INSYN2B: variants seen among roughly 807,000 people sequenced by gnomAD.
INSYN2B encodes the protein protein INSYN2B.
INSYN2B carries 16 observed loss-of-function variants against 41.2 expected under a neutral mutation model. The observed-to-expected ratio is 0.39, with a 90% CI of 0.26 to 0.59. INSYN2B has a LOEUF of 0.59. Among genes scored for constraint, INSYN2B ranks in the 20% least tolerant of loss-of-function variants. The pLI is 0.57. For synonymous variants in INSYN2B, 245 were observed against 244.4 expected, an observed-to-expected ratio of 1.00 and a Z score of -0.02; for missense variants, 608 against 646.4, an observed-to-expected ratio of 0.94 and a Z score of 0.64.
intron 1 of INSYN2B, among the ~76,000 whole-genome samples, chr5:169,973,946 A>G (rs1275351997): frequency 1.3e-5 from 2 of 152,190 alleles, no homozygotes; most frequent in Non-Finnish European, 2.9e-5. Context: ...TAGGCACAAG[A>G]GATGTCAATG....
intron 3 of INSYN2B, among the ~76,000 whole-genome samples, chr5:169,879,360 T>C (rs138769933): frequency 3.9e-5 from 6 of 152,304 alleles, no homozygotes; most frequent in African/African-American, 1.4e-4. Flanking sequence ...GTCATTTGAA[T>C]GTTTTCTAAA....
intron 1 of INSYN2B, among the ~76,000 whole-genome samples, chr5:169,971,188 C>A (rs1299895701): frequency 2.9e-4 from 42 of 143,806 alleles, no homozygotes; most frequent in Non-Finnish European, 2.4e-4. Flanking sequence ...GAAAGAAAGG[C>A]AAAAAAAAAA....
At chr5:169,958,749 G>A (rs978002548) in intron 1 of INSYN2B, among the ~76,000 whole-genome samples, 7 of 152,148 alleles carry the variant, frequency 4.6e-5, no homozygotes, top group Non-Finnish European at 7.3e-5. Context: ...CAGCAATAGA[G>A]GGCATTCAGG....
At chr5:169,868,060 T>C (rs1280159466) in intron 3 of INSYN2B, among the ~76,000 whole-genome samples, 3 of 152,162 alleles carry the variant, frequency 2.0e-5, no homozygotes, top group Non-Finnish European at 4.4e-5. Flanking sequence ...GAGTACCAGA[T>C]AGAGCCAAAG....
chr5:169,933,624 C>T (rs1023968716), intron 1 of INSYN2B, among the ~76,000 whole-genome samples: 4 of 152,182 alleles, frequency 2.6e-5, no homozygotes, highest in Non-Finnish European at 4.4e-5. Flanking sequence ...CTTCGTTCGG[C>T]CTCCTTCCTT....
intron 1 of INSYN2B, among the ~76,000 whole-genome samples, chr5:169,978,395 G>A (rs202107504): frequency 7.0e-6 from 1 of 142,322 alleles, no homozygotes; most frequent in Non-Finnish European, 1.5e-5. Flanking sequence ...GTGTGTGTGG[G>A]GGGGGGGGGG....
At chr5:169,909,113 C>A (rs1418144211) in intron 1 of INSYN2B, among the ~76,000 whole-genome samples, 1 of 152,188 alleles carries the variant, frequency 6.6e-6, no homozygotes, top group Non-Finnish European at 1.5e-5. Flanking sequence ...TGGATGATTT[C>A]ATCACCTTTG....
intron 1 of INSYN2B, among the ~76,000 whole-genome samples, chr5:169,975,141 A>T (rs990067042): frequency 6.6e-6 from 1 of 152,196 alleles, no homozygotes; most frequent in African/African-American, 2.4e-5. Context: ...GCTAGAAAAT[A>T]ATCATTTAGC....
intron 1 of INSYN2B, among the ~76,000 whole-genome samples, chr5:169,891,706 C>T (rs1043054106): frequency 5.3e-5 from 8 of 152,148 alleles, no homozygotes; most frequent in Non-Finnish European, 7.4e-5. Flanking sequence ...CAAAGTCAGC[C>T]GGGCACGGTG....
chr5:169,881,144 A>C (rs978734437), intron 3 of INSYN2B, among the ~76,000 whole-genome samples: 1 of 152,216 alleles, frequency 6.6e-6, no homozygotes, highest in Non-Finnish European at 1.5e-5. Flanking sequence ...GCCTGCACTT[A>C]GTGTTTGATA....
At chr5:169,930,233 G>A (rs983262305) in intron 1 of INSYN2B, among the ~76,000 whole-genome samples, 8 of 152,156 alleles carry the variant, frequency 5.3e-5, no homozygotes, top group South Asian at 4.2e-4. Context: ...CTTGTGATCC[G>A]CCTGCCTCGG....
intron 1 of INSYN2B, among the ~76,000 whole-genome samples, chr5:169,941,921 C>G (rs1398574273): frequency 1.3e-5 from 2 of 152,206 alleles, no homozygotes; most frequent in Non-Finnish European, 2.9e-5. Flanking sequence ...AATGTCAAGT[C>G]CCATCCTTTC....
At position 169,864,142 on chromosome 5, in the gene INSYN2B, T is replaced by A. The variant is rs1771382850; in HGVS notation, c.*131A>T. ...GCGGCTACATCAGCTCCAAGGCTCT[T>A]CTGTTTCACAGGCCAAGGGGCTCAC... is the stretch of plus-strand genomic sequence containing the variant. On this transcript the variant is annotated 3_prime_UTR_variant, in exon 4 of 4. Coordinates refer to ENST00000377365, the MANE Select transcript of INSYN2B (RefSeq NM_001129891.3). The A allele has an allele frequency of 1.3e-6, 1 of 797,756 alleles. No homozygotes were observed. The highest frequency in any genetic ancestry group is 1.8e-5 in the South Asian group (1 of 56,888). 49.4% of individuals were successfully genotyped at this position (797,756 alleles called of 1,614,324 possible).
chr5:169,940,268 C>T (rs1372226603), intron 1 of INSYN2B, among the ~76,000 whole-genome samples: 1 of 152,200 alleles, frequency 6.6e-6, no homozygotes, highest in Non-Finnish European at 1.5e-5. Flanking sequence ...AGACTCTGAT[C>T]ACTCTCAACC....
chr5:169,901,341 T>A (rs1444210994), intron 1 of INSYN2B, among the ~76,000 whole-genome samples: 1 of 152,164 alleles, frequency 6.6e-6, no homozygotes, highest in Non-Finnish European at 1.5e-5. Flanking sequence ...GCAGGAGTGA[T>A]GATATTGGTC....
intron 1 of INSYN2B, among the ~76,000 whole-genome samples, chr5:169,892,281 G>A (rs1773343253): frequency 6.6e-6 from 1 of 152,220 alleles, no homozygotes; most frequent in Non-Finnish European, 1.5e-5. Context: ...GAGACTCTGA[G>A]CAGCTGTCTT....
At chr5:169,925,108 C>T (rs1775364984) in intron 1 of INSYN2B, among the ~76,000 whole-genome samples, 1 of 152,068 alleles carries the variant, frequency 6.6e-6, no homozygotes, top group Non-Finnish European at 1.5e-5. Flanking sequence ...ACCCCAACCC[C>T]CCATTCATCT....
In INSYN2B at chr5:169,864,247, G is replaced by A. The variant is rs1198405187; in HGVS notation, c.*26C>T. The A allele has an allele frequency of 2.6e-6, 4 of 1,544,154 alleles. No individual in the cohort carries two copies. In the Admixed American group the frequency reaches 7.8e-5, roughly 30 times the overall value. On this transcript the variant is annotated 3_prime_UTR_variant, in exon 4 of 4. Transcript: ENST00000377365. ...ATCTCAGGGAAGTGCGTGGAGTTGGGGGGCTGGGGGATGGTCCCAACCAGC... is the reference window on the plus strand; with the variant it reads ...ATCTCAGGGAAGTGCGTGGAGTTGGAGGGCTGGGGGATGGTCCCAACCAGC...
rs1341626853 is a variant in INSYN2B at position 169,882,705 on chromosome 5, G to A, written c.1194C>T (p.Asp398=). Reference sequence around the variant, plus strand: ...CCCGTGCCAGGTGAATTTGATTAATGTCACTAATCTCCCTGTTGCTCTGAA... The same window carrying A: ...CCCGTGCCAGGTGAATTTGATTAATATCACTAATCTCCCTGTTGCTCTGAA... The part of the protein sequence containing the change: ...TKLQSNREIS[D]INQIHLARGE... The change falls in exon 2 of 4, where the codon GAC becomes GAT. Residue 398 remains aspartate, a synonymous_variant. Transcript: ENST00000377365. 1.3e-6 allele frequency: 2 copies of A among 1,551,904 alleles called. No homozygotes were observed. Among genetic ancestry groups the A allele is most frequent in the Non-Finnish European group, 1.7e-6 (2 of 1,147,042 alleles).
Sources: allele counts gnomAD v4.1 joint callset (sites outside exome capture counted in the v4.1 genomes callset), GRCh38; gene constraint gnomAD v4.1.1; transcripts MANE v1.5; gene names NCBI Gene and HGNC (gene_info 2026-07-23, HGNC 2026-07-21).